CCSER1: variants seen among roughly 807,000 people sequenced by gnomAD.
The protein encoded by CCSER1 is coiled-coil serine rich protein 1.
Under a neutral mutation model 82.0 loss-of-function variants are expected in CCSER1, and 41 were observed. The observed-to-expected ratio is 0.50, with a 90% confidence interval of 0.39 to 0.65. CCSER1 has a LOEUF of 0.65. Ranked by LOEUF, CCSER1 falls within the 30% of genes least tolerant of loss-of-function variation. CCSER1 has a pLI of 0.00. For synonymous variants in CCSER1, 414 were observed against 383.9 expected, an observed-to-expected ratio of 1.08 and a Z score of -0.92; for missense variants, 1,119 against 1,064.2, an observed-to-expected ratio of 1.05 and a Z score of -0.72.
intron 9 of CCSER1, among the ~76,000 whole-genome samples, chr4:91,053,141 A>G (rs1028193784): frequency 6.6e-6 from 1 of 152,186 alleles, no homozygotes; most frequent in Non-Finnish European, 1.5e-5. Flanking sequence ...ATGTCCTTGA[A>G]AAAACCATAA....
At chr4:91,312,838 A>G (rs528987638) in intron 10 of CCSER1, among the ~76,000 whole-genome samples, 1 of 152,102 alleles carries the variant, frequency 6.6e-6, no homozygotes, top group South Asian at 2.1e-4. Flanking sequence ...ATAAATGTAT[A>G]TACAATTTTT....
At chr4:90,736,556 C>A (rs1271859394) in intron 7 of CCSER1, among the ~76,000 whole-genome samples, 2 of 151,912 alleles carry the variant, frequency 1.3e-5, no homozygotes, top group Non-Finnish European at 2.9e-5. Flanking sequence ...CAAGGAATAT[C>A]TTTTTCCATC....
chr4:90,703,194 A>C (rs1738528096), intron 6 of CCSER1, among the ~76,000 whole-genome samples: 1 of 152,206 alleles, frequency 6.6e-6, no homozygotes, highest in South Asian at 2.1e-4. Context: ...ATTGGTTTCA[A>C]AGAACAACTT....
intron 1 of CCSER1, among the ~76,000 whole-genome samples, chr4:90,179,897 G>A (rs1423838893): frequency 6.6e-6 from 1 of 151,980 alleles, no homozygotes; most frequent in Non-Finnish European, 1.5e-5. Flanking sequence ...AACTTTCATG[G>A]TTTTGTGCCT....
intron 8 of CCSER1, among the ~76,000 whole-genome samples, chr4:90,840,664 G>A (rs1561228523): frequency 6.6e-6 from 1 of 152,096 alleles, no homozygotes; most frequent in Non-Finnish European, 1.5e-5. Context: ...CAGTGCCTAT[G>A]CATATAGCTT....
At chr4:91,441,595 C>A (rs375945890) in intron 10 of CCSER1, among the ~76,000 whole-genome samples, 1 of 152,092 alleles carries the variant, frequency 6.6e-6, no homozygotes, top group Non-Finnish European at 1.5e-5. Context: ...ACTCCTATTC[C>A]ACATAGTGTT....
In CCSER1 at chr4:91,233,834, C is replaced by T. The variant is rs181605073; in HGVS notation, c.2217+147840C>T. On this transcript the variant is annotated intron_variant, in intron 10 of 10. Coordinates refer to ENST00000509176, the MANE Select transcript of CCSER1 (RefSeq NM_001145065.2). ...TTTTAACCTTCCTTTATAGATGTGA[C>T]ATTTGGCAACTACAAACGAATAAAA... is the stretch of plus-strand genomic sequence containing the variant. Among the ~76,000 whole-genome samples the T allele has an allele frequency of 4.4e-3, 673 of 151,780 alleles. 1 individual carries two copies. The highest frequency in any genetic ancestry group is 6.9e-3 in the Non-Finnish European group (468 of 67,774).
chr4:91,021,170 A>G (rs1739928176), intron 9 of CCSER1, among the ~76,000 whole-genome samples: 1 of 152,136 alleles, frequency 6.6e-6, no homozygotes, highest in Admixed American at 6.6e-5. Flanking sequence ...TTATTTACAT[A>G]AATCTGTTTG....
chr4:90,695,076 G>C (rs1736775208), intron 6 of CCSER1, among the ~76,000 whole-genome samples: 1 of 147,666 alleles, frequency 6.8e-6, no homozygotes, highest in South Asian at 2.1e-4. Context: ...ATATATATAT[G>C]TATATATATT....
intron 10 of CCSER1, among the ~76,000 whole-genome samples, chr4:91,595,963 A>C (rs1328154233): frequency 3.3e-5 from 5 of 151,262 alleles, no homozygotes; most frequent in Admixed American, 3.3e-4. Context: ...AAAAAAAAAA[A>C]AAAACCAAGG....
intron 3 of CCSER1, among the ~76,000 whole-genome samples, chr4:90,334,346 C>T (rs1365818073): frequency 1.3e-5 from 2 of 151,874 alleles, no homozygotes; most frequent in Admixed American, 6.6e-5. Flanking sequence ...GAAAGTAGCA[C>T]AAACAGATAG....
Position 91,280,013 on chromosome 4 carries a change from C to T in CCSER1, c.2217+194019C>T, listed in dbSNP as rs559748221. Reference sequence around the variant, plus strand: ...CTCTATATGATTTATTGGCTGTAAACAGTGTCAGTAGTGTCTATGATTTCC... The same window carrying T: ...CTCTATATGATTTATTGGCTGTAAATAGTGTCAGTAGTGTCTATGATTTCC... On this transcript the variant is annotated intron_variant, in intron 10 of 10. Transcript: ENST00000509176. 2.2e-4 allele frequency among the ~76,000 whole-genome samples: 33 copies of T among 152,306 alleles called. No individual in the cohort carries two copies. In the South Asian group the frequency reaches 6.8e-3, roughly 32 times the overall value.
intron 6 of CCSER1, among the ~76,000 whole-genome samples, chr4:90,688,509 C>T (rs1478794686): frequency 6.6e-6 from 1 of 152,008 alleles, no homozygotes; most frequent in African/African-American, 2.4e-5. Flanking sequence ...GTTACCATAT[C>T]AAAACTCAGT....
intron 10 of CCSER1, among the ~76,000 whole-genome samples, chr4:91,416,905 G>A (rs1043701814): frequency 2.0e-5 from 3 of 152,118 alleles, no homozygotes; most frequent in Non-Finnish European, 4.4e-5. Flanking sequence ...ATTATCATCA[G>A]AGTGAACAGA....
intron 6 of CCSER1, among the ~76,000 whole-genome samples, chr4:90,634,751 C>G (rs1411219450): frequency 6.6e-6 from 1 of 151,768 alleles, no homozygotes; most frequent in African/African-American, 2.4e-5. Flanking sequence ...GAAATATAGA[C>G]AGCAGTCTAA....
At chr4:91,131,556 A>G (rs141829823) in intron 10 of CCSER1, among the ~76,000 whole-genome samples, 1 of 152,198 alleles carries the variant, frequency 6.6e-6, no homozygotes, top group African/African-American at 2.4e-5. Context: ...GAAGTGTCAA[A>G]TGTGTAAAAC....
intron 10 of CCSER1, among the ~76,000 whole-genome samples, chr4:91,447,213 G>T (rs1195625382): frequency 6.6e-6 from 1 of 152,122 alleles, no homozygotes; most frequent in Admixed American, 6.6e-5. Context: ...ACATAATATT[G>T]CAGTGCCAGA....
intron 10 of CCSER1, among the ~76,000 whole-genome samples, chr4:91,549,765 G>A (rs1436820068): frequency 2.0e-5 from 3 of 152,168 alleles, no homozygotes; most frequent in African/African-American, 4.8e-5. Context: ...AGCCTGGGAG[G>A]TGGAGGTTGC....
intron 10 of CCSER1, among the ~76,000 whole-genome samples, chr4:91,128,298 C>T (rs577452380): frequency 1.1e-4 from 17 of 152,148 alleles, no homozygotes; most frequent in African/African-American, 4.1e-4. Context: ...TTACAGCTTC[C>T]CTCATTCCAA....
Sources: gnomAD v4.1 joint callset for allele counts (sites outside exome capture counted in the v4.1 genomes callset) on GRCh38, gnomAD v4.1.1 for gene constraint, MANE v1.5 for transcripts, NCBI Gene and HGNC (gene_info 2026-07-23, HGNC 2026-07-21) for gene names.